Variants in PLD5 observed in about 807,000 individuals in gnomAD.
The protein encoded by PLD5 is inactive phospholipase D5.
Under a neutral mutation model 61.1 loss-of-function variants are expected in PLD5, and 36 were observed. The observed-to-expected ratio is 0.59, with a 90% CI of 0.45 to 0.78. PLD5 has a LOEUF of 0.78. Ranked by LOEUF, PLD5 falls within the 30% of genes least tolerant of loss-of-function variation. The pLI, the probability that PLD5 is intolerant of heterozygous loss-of-function variation, is 0.00. For missense variants in PLD5, 515 were observed against 644.4 expected (o/e 0.80, Z 2.17); for synonymous variants, 243 against 242.8 (o/e 1.00, Z -0.01).
chr1:242,129,036 ATATT>A (rs1663028710), intron 5 of PLD5, among the ~76,000 whole-genome samples: 1 of 152,200 alleles, frequency 6.6e-6, no homozygotes, highest in Non-Finnish European at 1.5e-5. Context: ...GGAGGGAAGA[ATATT>A]TATGAACATT....
At chr1:242,238,202 C>T (rs1041157174) in intron 4 of PLD5, among the ~76,000 whole-genome samples, 2 of 152,162 alleles carry the variant, frequency 1.3e-5, no homozygotes, top group Non-Finnish European at 2.9e-5. Flanking sequence ...AAATACTAGG[C>T]ATGTCCAGGT....
chr1:242,125,001 G>A (rs1662674330), intron 5 of PLD5, among the ~76,000 whole-genome samples: 1 of 152,040 alleles, frequency 6.6e-6, no homozygotes, highest in Admixed American at 6.6e-5. Flanking sequence ...CAAGAAAAAG[G>A]TCAATTTTAC....
chr1:242,328,450 G>GTGTTC (rs1558469271), intron 2 of PLD5, among the ~76,000 whole-genome samples: 1 of 152,178 alleles, frequency 6.6e-6, no homozygotes, highest in Non-Finnish European at 1.5e-5. Context: ...TACATGTGTT[G>GTGTTC]TACATGTGTG....
intron 5 of PLD5, among the ~76,000 whole-genome samples, chr1:242,149,357 T>C (rs1362359080): frequency 6.6e-6 from 1 of 151,892 alleles, no homozygotes; most frequent in Non-Finnish European, 1.5e-5. Context: ...TTGATCATTT[T>C]TTATACATTG....
At chr1:242,128,535 G>C (rs953845294) in intron 5 of PLD5, among the ~76,000 whole-genome samples, 1 of 152,182 alleles carries the variant, frequency 6.6e-6, no homozygotes, top group Non-Finnish European at 1.5e-5. Flanking sequence ...GCACGTTCAG[G>C]CTGCTGTTGA....
chr1:242,280,190 AAGATC>A (rs1483766111), intron 3 of PLD5, among the ~76,000 whole-genome samples: 1 of 152,210 alleles, frequency 6.6e-6, no homozygotes, highest in African/African-American at 2.4e-5. Context: ...GGGAACACTG[AAGATC>A]AGATGAGTTG....
At chr1:242,166,722 CTA>C (rs1434544471) in intron 5 of PLD5, among the ~76,000 whole-genome samples, 2 of 152,166 alleles carry the variant, frequency 1.3e-5, no homozygotes, top group East Asian at 1.9e-4. Flanking sequence ...AAAGTTCTAA[CTA>C]ATTCACATAT....
chr1:242,186,662 C>T (rs533328122), intron 5 of PLD5, among the ~76,000 whole-genome samples: 1 of 152,232 alleles, frequency 6.6e-6, no homozygotes, highest in East Asian at 1.9e-4. Context: ...TAGTGATTGA[C>T]AAGCTATTAG....
chr1:242,155,763 A>T (rs1206024798), intron 5 of PLD5, among the ~76,000 whole-genome samples: 1 of 152,054 alleles, frequency 6.6e-6, no homozygotes, highest in African/African-American at 2.4e-5. Context: ...GAGTGTTTTC[A>T]TTCCATTTAT....
intron 5 of PLD5, among the ~76,000 whole-genome samples, chr1:242,166,694 C>G (rs932378877): frequency 6.6e-6 from 1 of 152,204 alleles, no homozygotes; most frequent in Non-Finnish European, 1.5e-5. Context: ...GTTATGGAAC[C>G]TTTAATAACT....
chr1:242,157,840 G>A lies in PLD5; in HGVS notation c.736-33175C>T, dbSNP rs191441649. Among the ~76,000 whole-genome samples the A allele has an allele frequency of 2.0e-3, 302 of 152,332 alleles. 1 individual carries two copies. Among genetic ancestry groups the A allele is most frequent in the Non-Finnish European group, 3.1e-3 (213 of 68,026 alleles). On this transcript the variant is annotated intron_variant, in intron 5 of 9. Transcript: ENST00000536534. ...GTCTGACCCTTAGCAAAGCTCCAAC[G>A]CTGTGCTGGGGGATCTGCTGCTCTC...
At chr1:242,231,945 A>G (rs1377886989) in intron 4 of PLD5, among the ~76,000 whole-genome samples, 1 of 151,512 alleles carries the variant, frequency 6.6e-6, no homozygotes, top group Non-Finnish European at 1.5e-5. Flanking sequence ...TAAGGAAAAA[A>G]AAAAAAAGAA....
intron 1 of PLD5, among the ~76,000 whole-genome samples, chr1:242,374,840 G>C (rs969675404): frequency 6.6e-6 from 1 of 152,276 alleles, no homozygotes; most frequent in African/African-American, 2.4e-5. Context: ...ACAATTTACA[G>C]CATATCCTTG....
chr1:242,287,271 T>A (rs546896939), intron 3 of PLD5, among the ~76,000 whole-genome samples: 1 of 152,244 alleles, frequency 6.6e-6, no homozygotes, highest in South Asian at 2.1e-4. Context: ...GCCAATACCA[T>A]ATGGATCAGA....
At chr1:242,168,777 T>G (rs939932834) in intron 5 of PLD5, among the ~76,000 whole-genome samples, 5 of 151,886 alleles carry the variant, frequency 3.3e-5, no homozygotes, top group Non-Finnish European at 5.9e-5. Context: ...AGCAGTTGTT[T>G]AAAGGTATTC....
intron 2 of PLD5, among the ~76,000 whole-genome samples, chr1:242,332,853 C>T (rs113805732): frequency 6.6e-6 from 1 of 152,290 alleles, no homozygotes; most frequent in African/African-American, 2.4e-5. Context: ...AAAACTAATA[C>T]TTGACGTTCA....
chr1:242,096,053 A>G (rs975434192), intron 9 of PLD5, among the ~76,000 whole-genome samples: 1 of 148,720 alleles, frequency 6.7e-6, no homozygotes, highest in African/African-American at 2.5e-5. Context: ...CCGCCTCCCG[A>G]GTTCATGCCA....
intron 1 of PLD5, among the ~76,000 whole-genome samples, chr1:242,414,627 A>T (rs1015331622): frequency 2.0e-5 from 3 of 152,242 alleles, no homozygotes; most frequent in Non-Finnish European, 4.4e-5. Context: ...ATACATCAGG[A>T]TAAATTTCAA....
At chr1:242,476,930 C>T (rs1202460867) in intron 1 of PLD5, among the ~76,000 whole-genome samples, 1 of 152,122 alleles carries the variant, frequency 6.6e-6, no homozygotes, top group Admixed American at 6.6e-5. Flanking sequence ...GACAAATGAA[C>T]AACTCCTGAG....
Sources: gnomAD v4.1 joint callset for allele counts (sites outside exome capture counted in the v4.1 genomes callset) on GRCh38, gnomAD v4.1.1 for gene constraint, MANE v1.5 for transcripts, NCBI Gene and HGNC (gene_info 2026-07-23, HGNC 2026-07-21) for gene names.